The following FAM24B variants were observed in gnomAD, a reference collection of about 807,000 sequenced individuals.
The protein encoded by FAM24B is family with sequence similarity 24 member B, also known as protein FAM24B.
FAM24B carries 3 observed loss-of-function variants against 2.3 expected under a neutral mutation model. The observed-to-expected ratio is 1.29, with a 90% confidence interval of 0.59 to 3.32. The LOEUF (loss-of-function observed/expected upper bound fraction) is 3.32. Among genes scored for constraint, FAM24B ranks in the 30% most tolerant of loss-of-function variants. FAM24B has a pLI of 0.03. For synonymous variants in FAM24B, 36 were observed against 46.3 expected, an observed-to-expected ratio of 0.78 and a Z score of 0.90; for missense variants, 98 against 117.2, an observed-to-expected ratio of 0.84 and a Z score of 0.76.
At position 122,849,233 on chromosome 10, in the gene FAM24B, C is replaced by T. The variant is rs890696823; in HGVS notation, c.*14G>A. 6.6e-6 allele frequency: 10 copies of T among 1,516,362 alleles called. No individual in the cohort carries two copies. The Admixed American group carries it at 8.6e-5, about 13-fold the overall frequency. The allele number at this position is 1,516,362 out of a possible 1,614,324, so 93.9% of individuals were successfully genotyped here. A position where few individuals can be genotyped will look rare whatever the true frequency, so the allele number is the denominator to read the frequency against. The stretch of plus-strand genomic sequence containing the variant: ...GTATTGCTCATGAAGATTTTTGTGC[C>T]CACCTTTCCTAACTCAGAGGCCCTC... On this transcript the variant is annotated 3_prime_UTR_variant, in exon 4 of 4. Transcript: ENST00000368898.
At chr10:122,868,995 G>T (rs1352389696) in intron 1 of FAM24B, among the ~76,000 whole-genome samples, 1 of 152,138 alleles carries the variant, frequency 6.6e-6, no homozygotes, top group African/African-American at 2.4e-5. Context: ...TGGCAAACTG[G>T]ATAAAGAGTC....
intron 1 of FAM24B, among the ~76,000 whole-genome samples, chr10:122,858,339 C>T (rs112857347): frequency 0.015 from 2,246 of 148,498 alleles, 53 homozygotes; most frequent in African/African-American, 0.047. Flanking sequence ...CACTCATAGG[C>T]GGGAACTGAA....
intron 2 of FAM24B, among the ~76,000 whole-genome samples, chr10:122,853,261 C>G (rs1847572914): frequency 1.3e-5 from 2 of 152,146 alleles, no homozygotes; most frequent in South Asian, 4.1e-4. Context: ...TCTGCACCAA[C>G]CCTACACTTG....
At chr10:122,866,273 TTG>T (rs1482169238) in intron 1 of FAM24B, among the ~76,000 whole-genome samples, 1 of 152,106 alleles carries the variant, frequency 6.6e-6, no homozygotes, top group African/African-American at 2.4e-5. Flanking sequence ...TATTAATAAT[TTG>T]TGTCTTTTTT....
intron 1 of FAM24B, among the ~76,000 whole-genome samples, chr10:122,864,527 G>T (rs1174152095): frequency 6.6e-6 from 1 of 152,140 alleles, no homozygotes; most frequent in Non-Finnish European, 1.5e-5. Context: ...AAAACATCTT[G>T]TATTACTGTG....
intron 1 of FAM24B, among the ~76,000 whole-genome samples, chr10:122,878,550 A>G (rs1848017910): frequency 6.6e-6 from 1 of 152,074 alleles, no homozygotes; most frequent in Admixed American, 6.6e-5. Context: ...AAAAAAAGTA[A>G]TGGTGATGGT....
chr10:122,867,774 A>G (rs374519206), intron 1 of FAM24B, among the ~76,000 whole-genome samples: 3 of 152,264 alleles, frequency 2.0e-5, no homozygotes, highest in African/African-American at 7.2e-5. Flanking sequence ...GGACATCCAC[A>G]CCAAAAACCC....
intron 1 of FAM24B, among the ~76,000 whole-genome samples, chr10:122,857,831 T>C (rs1361212019): frequency 6.6e-6 from 1 of 152,182 alleles, no homozygotes; most frequent in Non-Finnish European, 1.5e-5. Flanking sequence ...AACTGAAGCT[T>C]TGAAAAGGAA....
intron 2 of FAM24B, among the ~76,000 whole-genome samples, chr10:122,853,750 A>C (rs568762846): frequency 1.3e-5 from 2 of 152,328 alleles, no homozygotes; most frequent in African/African-American, 4.8e-5. Flanking sequence ...AATGAAAGTG[A>C]AAATAAATTA....
At chr10:122,860,684 T>C (rs1302616534) in intron 1 of FAM24B, among the ~76,000 whole-genome samples, 1 of 151,982 alleles carries the variant, frequency 6.6e-6, no homozygotes, top group Non-Finnish European at 1.5e-5. Context: ...CATTTGATAA[T>C]GTCAGAGGAC....
chr10:122,873,320 T>G (rs1306511714), intron 1 of FAM24B, among the ~76,000 whole-genome samples: 1 of 152,194 alleles, frequency 6.6e-6, no homozygotes, highest in Non-Finnish European at 1.5e-5. Flanking sequence ...CTAGGGCTCT[T>G]AAGAATTATG....
intron 1 of FAM24B, among the ~76,000 whole-genome samples, chr10:122,856,550 T>A (rs886634354): frequency 6.6e-6 from 1 of 152,114 alleles, no homozygotes; most frequent in South Asian, 2.1e-4. Context: ...TCAATCCCAA[T>A]GAGAACGGCC....
At chr10:122,878,183 T>TG (rs1848008922) in intron 1 of FAM24B, among the ~76,000 whole-genome samples, 1 of 152,074 alleles carries the variant, frequency 6.6e-6, no homozygotes, top group Admixed American at 6.6e-5. Flanking sequence ...GTACAAAAGC[T>TG]GGGGGGTCTA....
rs1847487139 is a variant in FAM24B at position 122,849,353 on chromosome 10, A to T, written c.179T>A (p.Ile60Asn). The change falls in exon 4 of 4, where the codon ATT becomes AAT. Residue 60 changes from isoleucine to asparagine, a missense_variant. By Grantham distance (149) the Ile-to-Asn change is moderately radical (BLOSUM62 -3). Coordinates refer to ENST00000368898, the MANE Select transcript of FAM24B (RefSeq NM_152644.3). ...WWAKNSQAKT[I>N]ATESCPALQC... ...CAGGGCAGGACAAGACTCCGTGGCAATGGTTTTGGCCTGGCTGTTCTTGGC... is the reference window on the plus strand; with the variant it reads ...CAGGGCAGGACAAGACTCCGTGGCATTGGTTTTGGCCTGGCTGTTCTTGGC... 1 of 1,613,524 alleles carries T rather than the reference A, an allele frequency of 6.2e-7. No homozygotes were observed. The highest frequency in any genetic ancestry group is 8.5e-7 in the Non-Finnish European group (1 of 1,179,754).
At chr10:122,861,211 A>G (rs1847721219) in intron 1 of FAM24B, among the ~76,000 whole-genome samples, 1 of 152,164 alleles carries the variant, frequency 6.6e-6, no homozygotes, top group Non-Finnish European at 1.5e-5. Flanking sequence ...TAAATGAGGT[A>G]TATGTTGAGG....
At chr10:122,871,242 C>T (rs1435566389) in intron 1 of FAM24B, among the ~76,000 whole-genome samples, 1 of 151,716 alleles carries the variant, frequency 6.6e-6, no homozygotes, top group Non-Finnish European at 1.5e-5. Flanking sequence ...ATGTGAAGGA[C>T]CTCTTCAAGG....
intron 1 of FAM24B, among the ~76,000 whole-genome samples, chr10:122,858,069 T>C (rs992801176): frequency 4.1e-4 from 62 of 152,286 alleles, no homozygotes; most frequent in African/African-American, 1.1e-3. Flanking sequence ...ACCCAAAGGA[T>C]TATAAATCAT....
At chr10:122,868,326 T>G (rs923652840) in intron 1 of FAM24B, among the ~76,000 whole-genome samples, 1 of 152,114 alleles carries the variant, frequency 6.6e-6, no homozygotes, top group Non-Finnish European at 1.5e-5. Context: ...CTGAAAGTGA[T>G]GAGGAGAATG....
chr10:122,872,060 A>G (rs1449869575), intron 1 of FAM24B, among the ~76,000 whole-genome samples: 1 of 152,254 alleles, frequency 6.6e-6, no homozygotes, highest in Non-Finnish European at 1.5e-5. Context: ...GCTAATATCC[A>G]GAATCTGCAA....
Sources: gnomAD v4.1 joint callset for allele counts (sites outside exome capture counted in the v4.1 genomes callset) on GRCh38, gnomAD v4.1.1 for gene constraint, MANE v1.5 for transcripts, NCBI Gene and HGNC (gene_info 2026-07-23, HGNC 2026-07-21) for gene names.